Variants in GPR19 observed in about 807,000 individuals in gnomAD.
The protein encoded by GPR19 is probable G protein-coupled receptor 19.
A neutral mutation model predicts 28.5 loss-of-function variants in GPR19; 14 were observed. The ratio of observed to expected loss-of-function variants is 0.49; its 90% CI spans 0.32 to 0.77. GPR19 has a LOEUF of 0.77. GPR19 is among the 30% of genes least tolerant of loss of function. GPR19 has a pLI of 0.03. For missense variants in GPR19, 409 were observed against 504.1 expected (o/e 0.81, Z 1.81); for synonymous variants, 173 against 184.1 (o/e 0.94, Z 0.49).
In GPR19 at chr12:12,661,643, C is replaced by T. The variant is rs764429834; in HGVS notation, c.806G>A (p.Arg269Gln). ...TVRRTMNIVP[R>Q]TKVKTIKMFL... ...CATCTTGATAGTTTTCACTTTTGTCCGAGGGACAATGTTCATTGTCCTCCT... is the reference window on the plus strand; with the variant it reads ...CATCTTGATAGTTTTCACTTTTGTCTGAGGGACAATGTTCATTGTCCTCCT... The change falls in exon 4 of 4, where the codon CGG (arginine) becomes CAG (glutamine). Residue 269 changes from arginine to glutamine, a missense_variant. Physicochemically the swap from Arg to Gln is conservative, Grantham distance 43. Transcript: ENST00000651487. The surrounding 1 kb of genome is among the most constrained non-coding windows in gnomAD (Gnocchi z 4.2). The T allele has an allele frequency of 5.0e-6, 8 of 1,613,816 alleles. No homozygotes were observed. The highest frequency in any genetic ancestry group is 3.3e-5 in the South Asian group (3 of 91,056).
At position 12,677,747 on chromosome 12, in the gene GPR19, A is replaced by G. The variant is rs539069662; in HGVS notation, c.-23+6604T>C. On this transcript the variant is annotated intron_variant, in intron 3 of 3. Transcript: ENST00000651487. Reference sequence around the variant, plus strand: ...TCATTTCTCAGTGCTTCTTAATTCAATCCTCTCTGCATTTCAGTAATCGTT... The same window carrying G: ...TCATTTCTCAGTGCTTCTTAATTCAGTCCTCTCTGCATTTCAGTAATCGTT... Among the ~76,000 whole-genome samples the G allele has an allele frequency of 3.9e-5, 6 of 152,038 alleles. No individual in the cohort carries two copies. In the South Asian group the frequency reaches 1.0e-3, roughly 26 times the overall value.
chr12:12,673,812 T>C (rs571246429), intron 3 of GPR19, among the ~76,000 whole-genome samples: 24 of 152,234 alleles, frequency 1.6e-4, no homozygotes, highest in African/African-American at 5.5e-4. Flanking sequence ...GAAGGAAAAT[T>C]CATCGCAGGT....
chr12:12,664,815 G>C (rs1592252093), intron 3 of GPR19, among the ~76,000 whole-genome samples: 1 of 151,356 alleles, frequency 6.6e-6, no homozygotes, highest in East Asian at 2.0e-4. Flanking sequence ...AGCTACTCGG[G>C]AGGCTGAGGC....
intron 3 of GPR19, among the ~76,000 whole-genome samples, chr12:12,679,853 G>T (rs1945992342): frequency 6.6e-6 from 1 of 151,894 alleles, no homozygotes; most frequent in Non-Finnish European, 1.5e-5. Flanking sequence ...GTGCTTATTG[G>T]GTGTCTTCAA....
chr12:12,666,621 A>T (rs1256177758), intron 3 of GPR19, among the ~76,000 whole-genome samples: 1 of 152,234 alleles, frequency 6.6e-6, no homozygotes, highest in Middle Eastern at 3.2e-3. Flanking sequence ...TGTGGACTCC[A>T]GTAGGGAGAT....
At chr12:12,700,614 C>T (rs1946316529), upstream of GPR19, among the ~76,000 whole-genome samples, 1 of 151,998 alleles carries the variant, frequency 6.6e-6, no homozygotes, top group Non-Finnish European at 1.5e-5. Context: ...TAGTTGAGGG[C>T]TATAAAAATT....
chr12:12,685,066 T>A (rs1239241310), intron 2 of GPR19: 3 of 152,196 alleles, frequency 2.0e-5, no homozygotes. Context: ...AATAAAAATA[T>A]TTTTTAAAAT....
intron 2 of GPR19, among the ~76,000 whole-genome samples, chr12:12,692,780 G>A (rs1056882706): frequency 6.6e-6 from 1 of 151,718 alleles, no homozygotes; most frequent in Non-Finnish European, 1.5e-5. Context: ...GCCTCCAGCA[G>A]CTGAAAAAGC....
intron 2 of GPR19, among the ~76,000 whole-genome samples, chr12:12,687,922 CACTCTAATCTGGGAGACAGAGCTAG>C (rs1264875826): frequency 6.6e-6 from 1 of 152,206 alleles, no homozygotes; most frequent in Admixed American, 6.5e-5. Flanking sequence ...AGTGCCACTG[CACTCTAATCTGGGAGACAGAGCTAG>C]ACTCCGTCTC....
At chr12:12,698,870 A>G (rs1018281455), upstream of GPR19, among the ~76,000 whole-genome samples, 2 of 151,876 alleles carry the variant, frequency 1.3e-5, no homozygotes, top group Admixed American at 1.3e-4. Context: ...TTGGCCTCCC[A>G]AAGTGCTGGG....
intron 3 of GPR19, among the ~76,000 whole-genome samples, chr12:12,668,037 T>C (rs1387982298): frequency 6.6e-6 from 1 of 152,236 alleles, no homozygotes. Flanking sequence ...AGAATGTACC[T>C]GTGCTTGACT....
At position 12,662,051 on chromosome 12, in the gene GPR19, A is replaced by G. The variant is rs1289549882; in HGVS notation, c.398T>C (p.Leu133Pro). ...CACAACCTTGCACGTTGCACTACCC[A>G]GCGTCCACCTTCCAGTGGTGAACTG... ...LLQFTTGRWT[L>P]GSATCKVVRY... Residue 133 changes from leucine (L) to proline (P), a missense_variant, in exon 4 of 4, where the codon CTG becomes CCG. By Grantham distance (98) the Leu-to-Pro change is moderately conservative. Transcript: ENST00000651487. The G allele has an allele frequency of 1.2e-6, 2 of 1,614,252 alleles. No individual in the cohort carries two copies. The highest frequency in any genetic ancestry group is 1.7e-6 in the Non-Finnish European group (2 of 1,180,046).
At chr12:12,692,710 T>G (rs180672731) in intron 2 of GPR19, among the ~76,000 whole-genome samples, 2 of 152,138 alleles carry the variant, frequency 1.3e-5, no homozygotes, top group African/African-American at 2.4e-5. Flanking sequence ...TTTGTTTTTT[T>G]TTTTCTCCAA....
At chr12:12,666,372 T>A (rs964161377) in intron 3 of GPR19, among the ~76,000 whole-genome samples, 15 of 152,344 alleles carry the variant, frequency 9.8e-5, no homozygotes, top group African/African-American at 3.4e-4. Context: ...GTTAGTCCTT[T>A]ACTGCAGCAT....
intron 2 of GPR19, among the ~76,000 whole-genome samples, chr12:12,685,295 G>C (rs958788435): frequency 6.7e-6 from 1 of 148,296 alleles, no homozygotes; most frequent in Non-Finnish European, 1.5e-5. Context: ...GGGGGAGGGA[G>C]ATTCCTGTAA....
chr12:12,691,145 A>G (rs1946174916), intron 2 of GPR19, among the ~76,000 whole-genome samples: 1 of 152,106 alleles, frequency 6.6e-6, no homozygotes, highest in African/African-American at 2.4e-5. Context: ...TAAAGGTCAT[A>G]TCCCAAACTA....
At chr12:12,707,755 G>A in the GPR19 span, among the ~76,000 whole-genome samples, 1 of 151,924 alleles carries the variant, frequency 6.6e-6, no homozygotes, top group Non-Finnish European at 1.5e-5. Context: ...GTCTCGCTCT[G>A]TCGCCCAGGC....
At chr12:12,716,839 G>C in the GPR19 span, 4 of 984,358 alleles carry the variant, frequency 4.1e-6, no homozygotes, top group Non-Finnish European at 4.8e-6. Context: ...CACGCCGGCG[G>C]GGGGGCGCCC....
intron 3 of GPR19, among the ~76,000 whole-genome samples, chr12:12,668,143 G>T (rs2136321214): frequency 6.6e-6 from 1 of 152,248 alleles, no homozygotes; most frequent in Admixed American, 6.5e-5. Context: ...AACCCCAAAG[G>T]TTATGGACTT....
Sources: gnomAD v4.1 joint callset for allele counts (sites outside exome capture counted in the v4.1 genomes callset) on GRCh38, gnomAD v4.1.1 for gene constraint, Gnocchi (gnomAD v3.1) non-coding constraint, MANE v1.5 for transcripts, NCBI Gene and HGNC (gene_info 2026-07-23, HGNC 2026-07-21) for gene names.